The following ADGRL2 variants were observed in gnomAD, a reference collection of about 807,000 sequenced individuals.
ADGRL2 encodes calcium-independent alpha-latrotoxin receptor 2.
In ADGRL2, 44 loss-of-function variants were observed where a neutral mutation model predicts 157.4. That is an observed-to-expected ratio of 0.28 (90% CI 0.22 to 0.36). ADGRL2 has a LOEUF of 0.36. Among genes scored for constraint, ADGRL2 ranks in the 10% least tolerant of loss-of-function variants. The pLI, the probability that ADGRL2 is intolerant of heterozygous loss-of-function variation, is 1.00. For synonymous variants in ADGRL2, 585 were observed against 624.7 expected (o/e 0.94, Z 0.95); for missense variants, 1,510 against 1,768.9 (o/e 0.85, Z 2.63).
At chr1:81,390,458 G>A (rs1368984721) in intron 1 of ADGRL2, among the ~76,000 whole-genome samples, 4 of 152,300 alleles carry the variant, frequency 2.6e-5, no homozygotes, top group African/African-American at 7.2e-5. Flanking sequence ...TAGAGAAAGA[G>A]ATGTAATACA....
At chr1:81,649,235 C>G (rs535050395) in intron 3 of ADGRL2, among the ~76,000 whole-genome samples, 27 of 152,312 alleles carry the variant, frequency 1.8e-4, no homozygotes, top group African/African-American at 6.5e-4. Flanking sequence ...CCCACCTCTT[C>G]TAGACCTACC....
intron 3 of ADGRL2, among the ~76,000 whole-genome samples, chr1:81,619,346 C>T (rs1225014132): frequency 8.6e-5 from 13 of 151,898 alleles, no homozygotes; most frequent in Non-Finnish European, 1.9e-4. Flanking sequence ...GCCCTGGGCA[C>T]TGACCCAGTG....
At chr1:81,603,965 CTTTT>C (rs35950804) in intron 3 of ADGRL2, among the ~76,000 whole-genome samples, 4 of 131,906 alleles carry the variant, frequency 3.0e-5, no homozygotes, top group Non-Finnish European at 6.6e-5. Context: ...ATATCTTTTT[CTTTT>C]TTTTTTTTTT....
At chr1:81,557,493 G>GAAAGAAAGAAAGAA (rs2080327398) in intron 2 of ADGRL2, 1 of 77,068 alleles carries the variant, frequency 1.3e-5, no homozygotes, top group Non-Finnish European at 2.4e-5. Flanking sequence ...AAGAAAGAAA[G>GAAAGAAAGAAAGAA]AAAGAAAGAA....
intron 1 of ADGRL2, among the ~76,000 whole-genome samples, chr1:81,418,667 T>C (rs1272487930): frequency 1.3e-5 from 2 of 152,076 alleles, no homozygotes; most frequent in African/African-American, 2.4e-5. Flanking sequence ...GGCAGGAGAA[T>C]GGCATGAACC....
rs116573922 is a variant in ADGRL2 at position 81,393,600 on chromosome 1, G to A, written c.-301-51436G>A. On this transcript the variant is annotated intron_variant, in intron 1 of 24. Coordinates refer to the ADGRL2 transcript ENST00000370721. ...TTGTCTTGTTTTAATTTAGCAGCAG[G>A]GAAGGAATGCCAATGAGAGGCATAT... Among the ~76,000 whole-genome samples, 600 of 152,116 alleles carry A rather than the reference G, an allele frequency of 3.9e-3. 5 individuals are homozygous for A. Among genetic ancestry groups the A allele is most frequent in the African/African-American group, 0.013 (546 of 41,522 alleles).
intron 3 of ADGRL2, among the ~76,000 whole-genome samples, chr1:81,590,373 G>A (rs1045745908): frequency 1.3e-5 from 2 of 152,022 alleles, no homozygotes; most frequent in Non-Finnish European, 2.9e-5. Flanking sequence ...CCATTTCCAT[G>A]GATAGCTTAG....
chr1:81,395,960 T>G (rs988860405), intron 1 of ADGRL2, among the ~76,000 whole-genome samples: 2 of 152,192 alleles, frequency 1.3e-5, no homozygotes, highest in African/African-American at 4.8e-5. Flanking sequence ...TGAAGTCAGA[T>G]AGTGTGATGG....
Position 81,992,411 on chromosome 1 carries a change from A to T in ADGRL2, c.*1266A>T, listed in dbSNP as rs2149558270. 6.6e-6 allele frequency: 1 copy of T among 152,624 alleles called. No individual in the cohort carries two copies. Among genetic ancestry groups the T allele is most frequent in the South Asian group, 2.1e-4 (1 of 4,824 alleles). The allele number at this position is 152,624 out of a possible 1,614,324, so 9.5% of individuals were successfully genotyped here. On this transcript the variant is annotated 3_prime_UTR_variant, in exon 24 of 24. Transcript: ENST00000686636. ...ACGGTTTGACAGTAAATAAATGTGA[A>T]TTTTTTCAAGTAGTTAACATGTGAA...
intron 2 of ADGRL2, among the ~76,000 whole-genome samples, chr1:81,508,441 G>A (rs766758474): frequency 6.6e-6 from 1 of 152,170 alleles, no homozygotes; most frequent in Non-Finnish European, 1.5e-5. Flanking sequence ...CAGTCATTAT[G>A]GGTTCGCCAG....
At chr1:81,885,969 C>T (rs978717475) in intron 2 of ADGRL2, among the ~76,000 whole-genome samples, 1 of 152,118 alleles carries the variant, frequency 6.6e-6, no homozygotes, top group African/African-American at 2.4e-5. Context: ...CTGAAATTAA[C>T]TGGATCTTAT....
intron 3 of ADGRL2, among the ~76,000 whole-genome samples, chr1:81,629,326 AG>A (rs2081967498): frequency 6.6e-6 from 1 of 152,164 alleles, no homozygotes; most frequent in Non-Finnish European, 1.5e-5. Context: ...GAATGCCTGA[AG>A]GTATTAACAA....
chr1:81,817,724 G>A (rs746978544), intron 1 of ADGRL2, among the ~76,000 whole-genome samples: 1 of 151,686 alleles, frequency 6.6e-6, no homozygotes, highest in African/African-American at 2.4e-5. Context: ...ATTTTTTGGC[G>A]GCCTTGTCCC....
intron 3 of ADGRL2, among the ~76,000 whole-genome samples, chr1:81,647,575 C>G (rs1205204614): frequency 2.0e-5 from 3 of 152,146 alleles, no homozygotes; most frequent in Admixed American, 1.3e-4. Context: ...GTATATGATA[C>G]ATAAATGAAT....
Position 81,993,087 on chromosome 1 carries a change from A to ATTTTTT in ADGRL2, c.*1969_*1974dup, listed in dbSNP as rs71085382. On this transcript the variant is annotated 3_prime_UTR_variant, in exon 24 of 24. Coordinates refer to ENST00000686636, the MANE Select transcript of ADGRL2 (RefSeq NM_001366006.2). ...TATATATATATATATATATATATAT[A>ATTTTTT]TTTTTTTTTTTTTTTTTTTTTTTTT... Among the ~76,000 whole-genome samples, 30 of 29,198 alleles carry ATTTTTT rather than the reference A, an allele frequency of 1.0e-3. 1 individual carries two copies. The highest frequency in any genetic ancestry group is 1.1e-3 in the Non-Finnish European group (21 of 18,336). 19.2% of individuals were successfully genotyped at this position (29,198 alleles called of 152,430 possible).
intron 1 of ADGRL2, among the ~76,000 whole-genome samples, chr1:81,803,990 T>A (rs2088728703): frequency 6.6e-6 from 1 of 152,166 alleles, no homozygotes; most frequent in East Asian, 1.9e-4. Context: ...TAAGTCAGGT[T>A]TGATCTTGGG....
chr1:81,836,647 T>A (rs2092297199), intron 1 of ADGRL2, among the ~76,000 whole-genome samples: 2 of 152,106 alleles, frequency 1.3e-5, no homozygotes, highest in Admixed American at 1.3e-4. Context: ...TATGGCATTA[T>A]TTTGCCATGT....
chr1:81,958,530 C>G (rs946391125), intron 11 of ADGRL2, among the ~76,000 whole-genome samples: 1 of 152,028 alleles, frequency 6.6e-6, no homozygotes, highest in Admixed American at 6.5e-5. Context: ...TTCTTAAATT[C>G]TTGGTTTAAC....
At chr1:81,830,657 G>A (rs1319826687) in intron 1 of ADGRL2, among the ~76,000 whole-genome samples, 3 of 151,970 alleles carry the variant, frequency 2.0e-5, no homozygotes, top group Non-Finnish European at 2.9e-5. Context: ...ACAAGTGCCC[G>A]CCACCACGCC....
Sources: gnomAD v4.1 joint callset for allele counts (sites outside exome capture counted in the v4.1 genomes callset) on GRCh38, gnomAD v4.1.1 for gene constraint, MANE v1.5 for transcripts, NCBI Gene and HGNC (gene_info 2026-07-23, HGNC 2026-07-21) for gene names.